Variants in PRKCQ observed in about 807,000 individuals in gnomAD.
The protein encoded by PRKCQ is protein kinase C theta type.
Under a neutral mutation model 91.2 loss-of-function variants are expected in PRKCQ, and 41 were observed. That is an observed-to-expected ratio of 0.45 (90% CI 0.35 to 0.58). The LOEUF is 0.58. Among genes scored for constraint, PRKCQ ranks in the 20% least tolerant of loss-of-function variants. The pLI, the probability that PRKCQ is intolerant of heterozygous loss-of-function variation, is 0.00. For missense variants in PRKCQ, 673 were observed against 896.5 expected (o/e 0.75, Z 3.18); for synonymous variants, 307 against 316.9 (o/e 0.97, Z 0.33).
At chr10:6,548,423 C>T (rs991411232) in intron 1 of PRKCQ, among the ~76,000 whole-genome samples, 45 of 151,302 alleles carry the variant, frequency 3.0e-4, no homozygotes, top group Non-Finnish European at 3.7e-4. Flanking sequence ...GCTATAAAGA[C>T]ACATGCACAC....
intron 15 of PRKCQ, among the ~76,000 whole-genome samples, chr10:6,442,611 T>C (rs1223689469): frequency 6.6e-6 from 1 of 152,178 alleles, no homozygotes; most frequent in African/African-American, 2.4e-5. Flanking sequence ...CTCTAATCAC[T>C]GACATGCAGA....
At chr10:6,577,691 A>C (rs888286522) in intron 1 of PRKCQ, among the ~76,000 whole-genome samples, 1 of 152,216 alleles carries the variant, frequency 6.6e-6, no homozygotes, top group East Asian at 1.9e-4. Context: ...GAAATCAAAT[A>C]TAACCTTGTT....
intron 3 of PRKCQ, among the ~76,000 whole-genome samples, chr10:6,510,125 A>G (rs1228127788): frequency 6.6e-6 from 1 of 152,250 alleles, no homozygotes; most frequent in Non-Finnish European, 1.5e-5. Context: ...CTCCTTTGGC[A>G]CAGATGATAT....
chr10:6,468,734 C>A (rs952012784), intron 12 of PRKCQ, among the ~76,000 whole-genome samples: 8 of 152,142 alleles, frequency 5.3e-5, no homozygotes, highest in Non-Finnish European at 1.2e-4. Context: ...AAATTAAGAT[C>A]AAAATATTTA....
At chr10:6,486,958 C>T (rs372013252) in intron 8 of PRKCQ, among the ~76,000 whole-genome samples, 1 of 152,214 alleles carries the variant, frequency 6.6e-6, no homozygotes, top group African/African-American at 2.4e-5. Flanking sequence ...ACACACCTAG[C>T]AAGACTGGAC....
intron 1 of PRKCQ, among the ~76,000 whole-genome samples, chr10:6,559,076 C>T (rs900114177): frequency 1.3e-5 from 2 of 152,126 alleles, no homozygotes; most frequent in Admixed American, 6.6e-5. Context: ...GGCCTATCTG[C>T]TAACATTTCA....
rs759754254 is a variant in PRKCQ, at chr10:6,497,172, A to G, written c.574+48T>C. The G allele has an allele frequency of 1.2e-6, 2 of 1,614,098 alleles. No homozygotes were observed. Among genetic ancestry groups the G allele is most frequent in the East Asian group, 4.5e-5 (2 of 44,888 alleles). ...TAAGATTTTCATAGCCTAAGGAATAACTAAATAAAAAGAATGATGGTAATG... is the reference window on the plus strand; with the variant it reads ...TAAGATTTTCATAGCCTAAGGAATAGCTAAATAAAAAGAATGATGGTAATG... On this transcript the variant is annotated intron_variant, in intron 6 of 17. Coordinates refer to ENST00000263125, the MANE Select transcript of PRKCQ (RefSeq NM_006257.5). The surrounding 1 kb of genome is among the most constrained non-coding windows in gnomAD (Gnocchi z 4.5).
chr10:6,447,526 G>A (rs1275012376), intron 15 of PRKCQ, among the ~76,000 whole-genome samples: 2 of 152,154 alleles, frequency 1.3e-5, no homozygotes, highest in East Asian at 3.8e-4. Context: ...TAGGAACACA[G>A]GGGGAACAGT....
At chr10:6,469,214 T>G (rs1023024356) in intron 12 of PRKCQ, among the ~76,000 whole-genome samples, 3 of 152,244 alleles carry the variant, frequency 2.0e-5, no homozygotes, top group African/African-American at 7.2e-5. Flanking sequence ...CAATTAAATA[T>G]GCTCTACATT....
the PRKCQ span, among the ~76,000 whole-genome samples, chr10:6,420,850 T>A: frequency 6.1e-3 from 927 of 152,296 alleles, 6 homozygotes; most frequent in African/African-American, 0.021. Context: ...TGACATTTTT[T>A]AAATTATATT....
chr10:6,489,864 C>CA (rs1260135724), intron 8 of PRKCQ, among the ~76,000 whole-genome samples: 1 of 152,032 alleles, frequency 6.6e-6, no homozygotes, highest in African/African-American at 2.4e-5. Context: ...AAATAACGCC[C>CA]AGGAACCCCT....
At chr10:6,545,872 G>A (rs1454837768) in intron 1 of PRKCQ, among the ~76,000 whole-genome samples, 2 of 152,008 alleles carry the variant, frequency 1.3e-5, no homozygotes, top group Admixed American at 6.6e-5. Context: ...GTGTGGTGGT[G>A]TGTGCCTGTA....
chr10:6,484,834 C>T (rs753031340), intron 10 of PRKCQ, among the ~76,000 whole-genome samples: 41 of 152,182 alleles, frequency 2.7e-4, no homozygotes, highest in Non-Finnish European at 5.4e-4. Context: ...CTGTGGCCTT[C>T]CCACCATCAA....
intron 1 of PRKCQ, among the ~76,000 whole-genome samples, chr10:6,549,000 A>G (rs2130930596): frequency 6.6e-6 from 1 of 152,306 alleles, no homozygotes; most frequent in East Asian, 1.9e-4. Flanking sequence ...CACCAGTCTT[A>G]TTGTGTGACA....
chr10:6,510,133 T>C (rs1838398071), intron 3 of PRKCQ, among the ~76,000 whole-genome samples: 2 of 152,352 alleles, frequency 1.3e-5, no homozygotes, highest in South Asian at 4.1e-4. Flanking sequence ...GCACAGATGA[T>C]ATAAACATTT....
chr10:6,489,348 A>C (rs1837138495), intron 8 of PRKCQ: 1 of 496,576 alleles, frequency 2.0e-6, no homozygotes, highest in Non-Finnish European at 4.1e-6. Flanking sequence ...GGCCGCGAAG[A>C]AAGGCCACCA....
In PRKCQ at chr10:6,441,988, C is replaced by A; in HGVS notation, c.1741G>T (p.Gly581Trp). ...EMLIGQSPFH[G>W]QDEEELFHSI... The stretch of plus-strand genomic sequence containing the variant: ...TGGAAGAGCTCCTCCTCATCCTGCC[C>A]GTGGAAAGGCGACTGACCAATCAGC... Residue 581 changes from glycine to tryptophan, a missense_variant, in exon 16 of 18, where the codon GGG becomes TGG. By Grantham distance (184) the Gly-to-Trp change is radical. Coordinates refer to ENST00000263125, the MANE Select transcript of PRKCQ (RefSeq NM_006257.5). 6.2e-7 allele frequency: 1 copy of A among 1,614,122 alleles called. No individual in the cohort carries two copies. Among genetic ancestry groups the A allele is most frequent in the Non-Finnish European group, 8.5e-7 (1 of 1,180,022 alleles).
chr10:6,556,546 GGA>G (rs1408427339), intron 1 of PRKCQ, among the ~76,000 whole-genome samples: 2 of 151,828 alleles, frequency 1.3e-5, no homozygotes, highest in Admixed American at 6.6e-5. Context: ...AGAGGGAAAT[GGA>G]GAGTTACTGC....
At position 6,465,029 on chromosome 10, in the gene PRKCQ, G is replaced by A. The variant is rs1278758317; in HGVS notation, c.1354-625C>T. The stretch of plus-strand genomic sequence containing the variant: ...CTGGCCAGACAATGGGATGGTGCCA[G>A]GCACTTAGGGCACTTAGCATGTGCC... On this transcript the variant is annotated intron_variant, in intron 12 of 17. Coordinates refer to ENST00000263125, the MANE Select transcript of PRKCQ (RefSeq NM_006257.5). The surrounding 1 kb of genome is among the most constrained non-coding windows in gnomAD (Gnocchi z 4.4). Among the ~76,000 whole-genome samples the A allele has an allele frequency of 6.6e-6, 1 of 152,146 alleles. No homozygotes were observed. The highest frequency in any genetic ancestry group is 1.9e-4 in the East Asian group (1 of 5,186).
Sources: gnomAD v4.1 joint callset for allele counts (sites outside exome capture counted in the v4.1 genomes callset) on GRCh38, gnomAD v4.1.1 for gene constraint, Gnocchi (gnomAD v3.1) non-coding constraint, MANE v1.5 for transcripts, NCBI Gene and HGNC (gene_info 2026-07-23, HGNC 2026-07-21) for gene names.